CRB1: variants seen among roughly 807,000 people sequenced by gnomAD.
CRB1 encodes the protein protein crumbs homolog 1.
Under a neutral mutation model 120.0 loss-of-function variants are expected in CRB1, and 83 were observed. That is an observed-to-expected ratio of 0.69 (90% confidence interval 0.58 to 0.83). The LOEUF (loss-of-function observed/expected upper bound fraction) is 0.83, where lower values mean the gene tolerates loss of function less well. Among genes scored for constraint, CRB1 ranks in the 40% least tolerant of loss-of-function variants. The pLI is 0.00. For missense variants in CRB1, 1,699 were observed against 1,687.6 expected (o/e 1.01, Z -0.12); for synonymous variants, 625 against 612.5 (o/e 1.02, Z -0.30).
rs1054741114 is a variant in CRB1, at chr1:197,429,687, A to C, written c.2842+73A>C. ...TGAGTTGTTCCAAGAGCAAACACAG[A>C]AAAAGAGTATAGACAAAGCCAGTTT... On this transcript the variant is annotated intron_variant, in intron 8 of 11. Transcript: ENST00000367400. The C allele has an allele frequency of 3.9e-5, 57 of 1,478,466 alleles. No individual in the cohort carries two copies. The Middle Eastern group carries it at 9.5e-4, about 25-fold the overall frequency. The allele number at this position is 1,478,466 out of a possible 1,614,324, so 91.6% of individuals were successfully genotyped here.
the CRB1 span, among the ~76,000 whole-genome samples, chr1:197,216,394 C>T: frequency 6.6e-6 from 1 of 152,018 alleles, no homozygotes; most frequent in Admixed American, 6.6e-5. Flanking sequence ...ATGTATAGAT[C>T]CTGATAATAA....
At chr1:197,332,963 A>G (rs1373185691) in intron 2 of CRB1, among the ~76,000 whole-genome samples, 1 of 152,164 alleles carries the variant, frequency 6.6e-6, no homozygotes, top group Non-Finnish European at 1.5e-5. Context: ...ACCATCAGCA[A>G]TCAGCATGGA....
chr1:197,351,187 C>CAAAAAAAAAAAAAAAAAAA (rs780090689), intron 4 of CRB1, among the ~76,000 whole-genome samples: 1 of 85,390 alleles, frequency 1.2e-5, no homozygotes, highest in Non-Finnish European at 2.2e-5. Flanking sequence ...ACTAAAAATA[C>CAAAAAAAAAAAAAAAAAAA]AAAAAAAAAA....
intron 11 of CRB1, among the ~76,000 whole-genome samples, chr1:197,463,218 T>G (rs1363929152): frequency 6.6e-6 from 1 of 152,204 alleles, no homozygotes; most frequent in African/African-American, 2.4e-5. Flanking sequence ...TGCTGAATTT[T>G]TCTAGGTCTA....
At chr1:197,223,987 A>T in the CRB1 span, among the ~76,000 whole-genome samples, 1 of 152,156 alleles carries the variant, frequency 6.6e-6, no homozygotes, top group Non-Finnish European at 1.5e-5. Context: ...CCCCCTGTGT[A>T]AGGTACTATG....
At chr1:197,358,623 A>T (rs1159272070) in intron 5 of CRB1, among the ~76,000 whole-genome samples, 3 of 152,218 alleles carry the variant, frequency 2.0e-5, no homozygotes. Flanking sequence ...TACAAATGGC[A>T]ATTCAGGGTC....
chr1:197,418,421 A>C (rs2125462887), intron 5 of CRB1, among the ~76,000 whole-genome samples: 1 of 152,308 alleles, frequency 6.6e-6, no homozygotes, highest in Middle Eastern at 3.4e-3. Context: ...TTAATCATTC[A>C]TACCCTTAGC....
chr1:197,205,853 A>G, the CRB1 span, among the ~76,000 whole-genome samples: 1 of 149,572 alleles, frequency 6.7e-6, no homozygotes, highest in Non-Finnish European at 1.5e-5. Flanking sequence ...GTCTGATAGA[A>G]TTCAGCTGCG....
rs200061204 is a variant in CRB1 at position 197,301,666 on chromosome 1, T to A, written c.71-26756T>A. Among the ~76,000 whole-genome samples the A allele has an allele frequency of 3.3e-5, 5 of 152,174 alleles. No homozygotes were observed. In the East Asian group the frequency reaches 7.7e-4, roughly 24 times the overall value. ...TCATAATCTGAAGAAACATTCATGATTCATGGGAGGAGGTCAAAATAGCAA... is the reference window on the plus strand; with the variant it reads ...TCATAATCTGAAGAAACATTCATGAATCATGGGAGGAGGTCAAAATAGCAA... On this transcript the variant is annotated intron_variant, in intron 1 of 11. Transcript: ENST00000367400.
At chr1:197,331,766 A>G (rs1658867994) in intron 2 of CRB1, among the ~76,000 whole-genome samples, 2 of 152,168 alleles carry the variant, frequency 1.3e-5, no homozygotes, top group Admixed American at 1.3e-4. Flanking sequence ...ATAGTCTTAT[A>G]TTTGTAAAAA....
intron 1 of CRB1, among the ~76,000 whole-genome samples, chr1:197,324,328 TA>T (rs1484698161): frequency 6.6e-6 from 1 of 152,202 alleles, no homozygotes. Context: ...AATATGCATT[TA>T]CTAAGCACCA....
chr1:197,201,597 T>C, the CRB1 span, among the ~76,000 whole-genome samples: 4 of 152,148 alleles, frequency 2.6e-5, no homozygotes, highest in African/African-American at 7.2e-5. Context: ...CCGTGAGGCT[T>C]TTGCTGAGGG....
intron 1 of CRB1, among the ~76,000 whole-genome samples, chr1:197,308,325 T>G (rs966739943): frequency 6.6e-6 from 1 of 152,172 alleles, no homozygotes; most frequent in African/African-American, 2.4e-5. Flanking sequence ...GGTACTATAC[T>G]CACTATGTAG....
intron 5 of CRB1, among the ~76,000 whole-genome samples, chr1:197,410,898 G>T (rs926388237): frequency 3.3e-5 from 5 of 152,142 alleles, no homozygotes; most frequent in African/African-American, 1.2e-4. Context: ...AAGACAGCTG[G>T]TTCTATGCTT....
chr1:197,368,228 T>G (rs770289147), intron 5 of CRB1, among the ~76,000 whole-genome samples: 24 of 152,148 alleles, frequency 1.6e-4, no homozygotes, highest in Non-Finnish European at 8.8e-5. Flanking sequence ...TTACTTACAA[T>G]TTCAAATTTG....
At chr1:197,214,330 GCCCTC>G in the CRB1 span, among the ~76,000 whole-genome samples, 2 of 151,908 alleles carry the variant, frequency 1.3e-5, no homozygotes, top group Non-Finnish European at 2.9e-5. Flanking sequence ...TATACAGTCT[GCCCTC>G]CATATGCATG....
At chr1:197,241,119 G>A in the CRB1 span, among the ~76,000 whole-genome samples, 13 of 152,292 alleles carry the variant, frequency 8.5e-5, no homozygotes, top group Admixed American at 7.2e-4. Flanking sequence ...CAGATGGATA[G>A]ATTGCAAAAC....
chr1:197,246,611 C>T, the CRB1 span, among the ~76,000 whole-genome samples: 2 of 151,810 alleles, frequency 1.3e-5, no homozygotes, highest in African/African-American at 2.4e-5. Context: ...AATATGTCTA[C>T]TACAGTTTCC....
rs750042314 is a variant in CRB1, at chr1:197,427,937, A to G, written c.2612A>G (p.Asn871Ser). ...NLEFFPNPTN[N>S]ASLNPVLVNV... ...GAATTCTTTCCAAATCCAACAAACA[A>G]TGCATCTCTCAATCCAGTTCTTGTC... Residue 871 changes from asparagine to serine, a missense_variant, in exon 7 of 12, where the codon AAT becomes AGT. By Grantham distance (46) the Asn-to-Ser change is conservative. Coordinates refer to ENST00000367400, the MANE Select transcript of CRB1 (RefSeq NM_201253.3). 21 of 1,613,864 alleles carry G rather than the reference A, an allele frequency of 1.3e-5. No individual in the cohort carries two copies. Among genetic ancestry groups the G allele is most frequent in the Non-Finnish European group, 1.6e-5 (19 of 1,179,966 alleles).
Sources: allele counts gnomAD v4.1 joint callset (sites outside exome capture counted in the v4.1 genomes callset), GRCh38; gene constraint gnomAD v4.1.1; transcripts MANE v1.5; gene names NCBI Gene and HGNC (gene_info 2026-07-23, HGNC 2026-07-21).